HTR2C: variants seen among roughly 807,000 people sequenced by gnomAD.
HTR2C encodes 5-hydroxytryptamine receptor 2C, also known as 5-hydroxytryptamine (serotonin) receptor 2C, G protein-coupled.
In HTR2C, 5 loss-of-function variants were observed where a neutral mutation model predicts 21.0. That is an observed-to-expected ratio of 0.24 (90% confidence interval 0.12 to 0.50). HTR2C has a LOEUF of 0.50. Ranked by LOEUF, HTR2C falls within the 20% of genes least tolerant of loss-of-function variation. HTR2C has a pLI of 0.98. For synonymous variants in HTR2C, 150 were observed against 145.3 expected, an observed-to-expected ratio of 1.03 and a Z score of -0.23; for missense variants, 271 against 371.2, an observed-to-expected ratio of 0.73 and a Z score of 2.22.
intron 2 of HTR2C, among the ~76,000 whole-genome samples, chrX:114,674,096 C>A (rs1428727979): frequency 8.9e-6 from 1 of 112,055 alleles, no homozygotes; most frequent in Non-Finnish European, 1.9e-5. Context: ...TGCAGGGGCA[C>A]CTTTTAACTC....
At chrX:114,809,533 G>T in intron 4 of HTR2C, among the ~76,000 whole-genome samples, 1 of 109,425 alleles carries the variant, frequency 9.1e-6, no homozygotes, top group Middle Eastern at 4.8e-3. Flanking sequence ...ACAGGCGCCC[G>T]CCACCACGCC....
chrX:114,741,721 A>G (rs2069651299), intron 4 of HTR2C, among the ~76,000 whole-genome samples: 1 of 106,229 alleles, frequency 9.4e-6, no homozygotes, highest in African/African-American at 3.4e-5. Flanking sequence ...CAACAAAAAT[A>G]GAGTAAGCCC....
At chrX:114,733,981 C>A (rs2069562769) in intron 4 of HTR2C, among the ~76,000 whole-genome samples, 1 of 111,328 alleles carries the variant, frequency 9.0e-6, no homozygotes, top group Non-Finnish European at 1.9e-5. Flanking sequence ...CAAAAAAAAT[C>A]TGCAAACAAG....
At chrX:114,686,439 T>C (rs782017512) in intron 2 of HTR2C, among the ~76,000 whole-genome samples, 3 of 111,579 alleles carry the variant, frequency 2.7e-5, no homozygotes, top group Non-Finnish European at 5.6e-5. Context: ...ATTATTCATC[T>C]TTAGTGAGGC....
intron 5 of HTR2C, among the ~76,000 whole-genome samples, chrX:114,889,343 A>G (rs1556482364): frequency 1.8e-5 from 2 of 111,666 alleles, no homozygotes; most frequent in Admixed American, 9.6e-5. Context: ...CATTCAGCCA[A>G]TCAGTATACC....
intron 5 of HTR2C, among the ~76,000 whole-genome samples, chrX:114,897,103 CACTTTAG>C (rs1401800801): frequency 3.6e-5 from 4 of 111,057 alleles, no homozygotes; most frequent in Non-Finnish European, 5.7e-5. Context: ...ACTAATTTTC[CACTTTAG>C]ACTTTAGACA....
chrX:114,730,916 C>T (rs1237675383), intron 3 of HTR2C, among the ~76,000 whole-genome samples: 1 of 111,553 alleles, frequency 9.0e-6, no homozygotes, highest in East Asian at 2.8e-4. Flanking sequence ...CTGGCCCCGC[C>T]ACTTACTGGC....
At chrX:114,707,265 A>G (rs1373514182) in intron 2 of HTR2C, among the ~76,000 whole-genome samples, 1 of 111,385 alleles carries the variant, frequency 9.0e-6, no homozygotes, top group Non-Finnish European at 1.9e-5. Flanking sequence ...AGACACTTAG[A>G]TTAAATCAGG....
chrX:114,775,621 G>A (rs781884819), intron 4 of HTR2C: 19 of 493,865 alleles, frequency 3.8e-5, no homozygotes, highest in Non-Finnish European at 5.9e-5. Flanking sequence ...AATCTTGAAC[G>A]TTTTCAGATT....
At chrX:114,628,545 C>T (rs1402076700) in intron 2 of HTR2C, among the ~76,000 whole-genome samples, 1 of 108,161 alleles carries the variant, frequency 9.2e-6, no homozygotes, top group Non-Finnish European at 1.9e-5. Context: ...AGGCGTGAGC[C>T]ACCGCGCCTG....
intron 3 of HTR2C, 68 bp from the exon 4 acceptor site, chrX:114,731,226 A>C (rs1409075253): frequency 8.1e-6 from 6 of 741,884 alleles, no homozygotes; most frequent in Admixed American, 3.2e-5. Context: ...GTTGTTTTGC[A>C]TGAGCAACGT....
intron 2 of HTR2C, among the ~76,000 whole-genome samples, chrX:114,638,198 T>C (rs782224399): frequency 1.8e-5 from 2 of 111,938 alleles, no homozygotes; most frequent in East Asian, 5.6e-4. Context: ...AACCTACTCA[T>C]GCCCCAAACA....
At chrX:114,752,306 T>C (rs1162127028) in intron 4 of HTR2C, among the ~76,000 whole-genome samples, 2 of 112,037 alleles carry the variant, frequency 1.8e-5, no homozygotes, top group Non-Finnish European at 1.9e-5. Flanking sequence ...AAATGTATTA[T>C]GTAATTTGTG....
chrX:114,678,878 T>C (rs1931656496), intron 2 of HTR2C, among the ~76,000 whole-genome samples: 1 of 111,836 alleles, frequency 8.9e-6, no homozygotes, highest in Non-Finnish European at 1.9e-5. Context: ...TAAAATATTC[T>C]TGCTGCCCAG....
chrX:114,762,621 T>C (rs782090172), intron 4 of HTR2C, among the ~76,000 whole-genome samples: 80 of 112,028 alleles, frequency 7.1e-4, no homozygotes, highest in Middle Eastern at 9.3e-3. Flanking sequence ...AACATATTGT[T>C]ATAGTGGCTC....
chrX:114,585,946 T>C (rs1003392292), intron 1 of HTR2C, among the ~76,000 whole-genome samples: 3 of 110,633 alleles, frequency 2.7e-5, no homozygotes, highest in Non-Finnish European at 5.7e-5. Context: ...TGCGGCGCAC[T>C]GAGTAACCTC....
At chrX:114,863,514 A>G (rs930998641) in intron 5 of HTR2C, among the ~76,000 whole-genome samples, 8 of 111,493 alleles carry the variant, frequency 7.2e-5, no homozygotes, top group Non-Finnish European at 1.3e-4. Context: ...ATATGATTTT[A>G]GTCTTCTTAA....
At chrX:114,854,473 T>G (rs782188393) in intron 5 of HTR2C, among the ~76,000 whole-genome samples, 1 of 110,915 alleles carries the variant, frequency 9.0e-6, no homozygotes, top group South Asian at 3.7e-4. Flanking sequence ...GAATATAGAG[T>G]ATAGTGGTGA....
chrX:114,642,932 C>A (rs932644160), intron 2 of HTR2C, among the ~76,000 whole-genome samples: 1 of 111,554 alleles, frequency 9.0e-6, no homozygotes, highest in Non-Finnish European at 1.9e-5. Context: ...TTATAATTAT[C>A]TTCCAACATT....
Sources: allele counts gnomAD v4.1 joint callset (sites outside exome capture counted in the v4.1 genomes callset), GRCh38; gene constraint gnomAD v4.1.1; transcripts MANE v1.5; gene names NCBI Gene and HGNC (gene_info 2026-07-23, HGNC 2026-07-21).